Variants in UGP2 observed in about 807,000 individuals in gnomAD.
UGP2 encodes UDP-glucose pyrophosphorylase 2, also known as UTP--glucose-1-phosphate uridylyltransferase.
A neutral mutation model predicts 49.0 loss-of-function variants in UGP2; 40 were observed. The ratio of observed to expected loss-of-function variants is 0.82; its 90% CI spans 0.63 to 1.06. The LOEUF (loss-of-function observed/expected upper bound fraction) is 1.06. Ranked by LOEUF, UGP2 falls within the 50% of genes least tolerant of loss-of-function variation. UGP2 has a pLI of 0.00. For missense variants in UGP2, 460 were observed against 603.5 expected (o/e 0.76, Z 2.49); for synonymous variants, 225 against 213.0 (o/e 1.06, Z -0.49).
At chr2:63,889,997 C>T in intron 8 of UGP2, 84 bp from the exon 9 acceptor site, 1 of 1,058,144 alleles carries the variant, frequency 9.5e-7, no homozygotes, top group Non-Finnish European at 1.4e-6. Flanking sequence ...TTCTACAGTT[C>T]AGTTAAACTT....
Position 63,870,905 on chromosome 2 carries a change from A to C in UGP2, c.256-11561A>C, listed in dbSNP as rs905424502. On this transcript the variant is annotated intron_variant, in intron 3 of 9. Coordinates refer to ENST00000337130, the MANE Select transcript of UGP2 (RefSeq NM_006759.4). ...CAAAGCCAAGAGCTGCACCAGATTC[A>C]CTACTAGGGCTGAGGGTCACAAATG... 1.3e-5 allele frequency among the ~76,000 whole-genome samples: 2 copies of C among 152,170 alleles called. 1 individual carries two copies. The highest frequency in any genetic ancestry group is 1.3e-4 in the Admixed American group (2 of 15,280).
chr2:63,870,069 C>G (rs1670448681), intron 3 of UGP2, among the ~76,000 whole-genome samples: 1 of 151,860 alleles, frequency 6.6e-6, no homozygotes. Flanking sequence ...ACTGTAGGCG[C>G]CGGCCACCAT....
chr2:63,872,613 A>T (rs1490133535), intron 3 of UGP2, among the ~76,000 whole-genome samples: 1 of 152,136 alleles, frequency 6.6e-6, no homozygotes, highest in Non-Finnish European at 1.5e-5. Flanking sequence ...ACTATATTTT[A>T]CTGTCTCATT....
intron 1 of UGP2, among the ~76,000 whole-genome samples, chr2:63,846,389 A>G (rs541742523): frequency 2.6e-5 from 4 of 152,216 alleles, no homozygotes; most frequent in Admixed American, 1.3e-4. Context: ...AATGTTGTCT[A>G]GCCAGCTAAG....
At chr2:63,848,609 G>T (rs1668828906) in intron 1 of UGP2, among the ~76,000 whole-genome samples, 1 of 152,186 alleles carries the variant, frequency 6.6e-6, no homozygotes, top group South Asian at 2.1e-4. Context: ...TGATCCGCCT[G>T]TCTTGGCCTC....
intron 5 of UGP2, 78 bp downstream of exon 5, chr2:63,884,171 T>C: frequency 6.5e-7 from 1 of 1,535,412 alleles, no homozygotes; most frequent in Middle Eastern, 1.8e-4. Flanking sequence ...AACAGAGCAG[T>C]TTCAAGATGT....
intron 1 of UGP2, among the ~76,000 whole-genome samples, chr2:63,852,648 A>G (rs1285547179): frequency 6.6e-6 from 1 of 152,216 alleles, no homozygotes; most frequent in African/African-American, 2.4e-5. Context: ...GATTAGAGTG[A>G]TGGGCAGACT....
intron 1 of UGP2, among the ~76,000 whole-genome samples, chr2:63,854,687 A>G (rs971642416): frequency 6.6e-6 from 1 of 152,218 alleles, no homozygotes; most frequent in African/African-American, 2.4e-5. Context: ...TTAATCACTA[A>G]AAACAGAGCT....
intron 3 of UGP2, among the ~76,000 whole-genome samples, chr2:63,858,744 T>C (rs1669623728): frequency 6.6e-6 from 1 of 152,132 alleles, no homozygotes; most frequent in Non-Finnish European, 1.5e-5. Context: ...TAGTATTTTC[T>C]TCCAAGAAAG....
upstream of UGP2, chr2:63,841,117 T>C (rs1671503961): frequency 6.6e-6 from 1 of 151,652 alleles, no homozygotes; most frequent in African/African-American, 2.4e-5. Flanking sequence ...GGTGTGCATG[T>C]GTGAGGGAAG....
At chr2:63,842,400 G>A (rs1167123619) in intron 1 of UGP2, 196 bp downstream of exon 1, 4 of 1,588,854 alleles carry the variant, frequency 2.5e-6, no homozygotes, top group Non-Finnish European at 3.4e-6. Context: ...TTATGCTCCT[G>A]TACCCTGCTG....
intron 5 of UGP2, among the ~76,000 whole-genome samples, chr2:63,884,351 T>C (rs1671515529): frequency 6.6e-6 from 1 of 152,232 alleles, no homozygotes; most frequent in African/African-American, 2.4e-5. Flanking sequence ...TTTAAGCCTT[T>C]GCTTTCTGAG....
chr2:63,871,464 T>G (rs1670546415), intron 3 of UGP2, among the ~76,000 whole-genome samples: 1 of 152,214 alleles, frequency 6.6e-6, no homozygotes, highest in Non-Finnish European at 1.5e-5. Context: ...TTTTGTACTT[T>G]TAGTAGAGAC....
chr2:63,857,806 A>C, intron 2 of UGP2, 23 bp from the exon 3 acceptor site: 3 of 1,597,544 alleles, frequency 1.9e-6, no homozygotes, highest in Non-Finnish European at 2.6e-6. Context: ...TGCTGGTTGT[A>C]ACAATGACTT....
chr2:63,877,950 G>T (rs920483516), intron 3 of UGP2, among the ~76,000 whole-genome samples: 1 of 128,854 alleles, frequency 7.8e-6, no homozygotes, highest in Non-Finnish European at 1.6e-5. Flanking sequence ...CCGAGATTGC[G>T]CCACTGCAGT....
At chr2:63,882,733 A>G in intron 4 of UGP2, 82 bp downstream of exon 4, 1 of 1,374,914 alleles carries the variant, frequency 7.3e-7, no homozygotes, top group East Asian at 2.4e-5. Flanking sequence ...AAAATGTAGC[A>G]GATGTGAATT....
rs202242009 is a variant in UGP2 at position 63,885,863 on chromosome 2, A to G, written c.850A>G (p.Asn284Asp). 6.2e-5 allele frequency: 99 copies of G among 1,596,554 alleles called. No individual in the cohort carries two copies. The African/African-American group carries it at 1.2e-3, about 20-fold the overall frequency. Residue 284 changes from asparagine to aspartate, a missense_variant, in exon 6 of 10, where the codon AAT (asparagine) becomes GAT (aspartate). Coordinates refer to ENST00000337130, the MANE Select transcript of UGP2 (RefSeq NM_006759.4). ...CTGTGAATTTGTCATGGAAGTCACA[A>G]ATAAAACACGTGCAGATGTAAAGGT... ...KRCEFVMEVT[N>D]KTRADVKGGT...
At position 63,891,097 on chromosome 2, in the gene UGP2, CTT is replaced by C. The variant is rs777455437; in HGVS notation, c.1420-20_1420-19del. On this transcript the variant is annotated intron_variant, in intron 9 of 9. Transcript: ENST00000337130. Reference sequence around the variant, plus strand: ...ATTGCATTTCAGTTGCAAGTACACTCTTTTGTTTTCCCTGTCACTTAGGGAAC... The same window carrying C: ...ATTGCATTTCAGTTGCAAGTACACTCTTGTTTTCCCTGTCACTTAGGGAAC... The C allele has an allele frequency of 8.6e-5, 137 of 1,597,382 alleles. No homozygotes were observed. The African/African-American group carries it at 1.1e-3, about 13-fold the overall frequency.
chr2:63,884,993 C>CTTTTTTTTTTT lies in UGP2; in HGVS notation c.576-577_576-567dup, dbSNP rs528966512. ...TTTTAAGATCTATTTCCCATGGTTA[C>CTTTTTTTTTTT]TTTTTTTTTTTTTTTTTTTTTTTTT... is the stretch of plus-strand genomic sequence containing the variant. On this transcript the variant is annotated intron_variant, in intron 5 of 9. Transcript: ENST00000337130. Among the ~76,000 whole-genome samples, 32 of 23,148 alleles carry CTTTTTTTTTTT rather than the reference C, an allele frequency of 1.4e-3. 1 individual carries two copies. The highest frequency in any genetic ancestry group is 0.012 in the East Asian group (4 of 344). 15.2% of individuals were successfully genotyped at this position (23,148 alleles called of 152,430 possible).
Sources: gnomAD v4.1 joint callset for allele counts (sites outside exome capture counted in the v4.1 genomes callset) on GRCh38, gnomAD v4.1.1 for gene constraint, MANE v1.5 for transcripts, NCBI Gene and HGNC (gene_info 2026-07-23, HGNC 2026-07-21) for gene names.